The following SNX24 variants were observed in gnomAD, a reference collection of about 807,000 sequenced individuals.
SNX24 encodes sorting nexin 24.
A neutral mutation model predicts 28.7 loss-of-function variants in SNX24; 22 were observed. That is an observed-to-expected ratio of 0.77 (90% CI 0.55 to 1.10). The LOEUF is 1.10. Ranked by LOEUF, SNX24 falls within the 50% of genes least tolerant of loss-of-function variation. The probability of loss-of-function intolerance (pLI) is 0.00; values close to 1 mark genes in which losing one functional copy is unlikely to be tolerated. For synonymous variants in SNX24, 69 were observed against 71.5 expected (o/e 0.96, Z 0.18); for missense variants, 221 against 201.1 (o/e 1.10, Z -0.60).
chr5:122,888,715 C>T (rs771156790), intron 1 of SNX24, among the ~76,000 whole-genome samples: 13 of 152,148 alleles, frequency 8.5e-5, no homozygotes, highest in African/African-American at 3.1e-4. Context: ...CCATTTCAAG[C>T]AGTGGGTGAT....
intron 1 of SNX24, among the ~76,000 whole-genome samples, 198 bp downstream of exon 1, chr5:122,845,891 G>T (rs1447616184): frequency 6.6e-6 from 1 of 151,882 alleles, no homozygotes; most frequent in African/African-American, 2.4e-5. Flanking sequence ...CGGCGGCTGC[G>T]GGCGCCCCTA....
intron 1 of SNX24, among the ~76,000 whole-genome samples, chr5:122,860,484 C>G (rs1360413260): frequency 6.6e-6 from 1 of 152,204 alleles, no homozygotes; most frequent in Non-Finnish European, 1.5e-5. Flanking sequence ...AGAAGTCTTA[C>G]TCTATCTTTT....
intron 3 of SNX24, among the ~76,000 whole-genome samples, chr5:122,947,923 C>T (rs183220071): frequency 3.9e-5 from 6 of 152,180 alleles, no homozygotes; most frequent in East Asian, 1.9e-4. Context: ...GTTTGTACTT[C>T]GGATATAAAT....
intron 5 of SNX24, among the ~76,000 whole-genome samples, chr5:123,026,180 C>T (rs1016093503): frequency 3.3e-5 from 5 of 152,254 alleles, no homozygotes; most frequent in African/African-American, 1.2e-4. Flanking sequence ...CAAAGAAAGC[C>T]TTAAATATGG....
At chr5:122,977,100 C>A (rs771066479) in intron 3 of SNX24, among the ~76,000 whole-genome samples, 6 of 152,066 alleles carry the variant, frequency 3.9e-5, no homozygotes, top group Non-Finnish European at 7.4e-5. Context: ...CTTTGAGATT[C>A]TTGAAGGTGT....
rs115060572 is a variant in SNX24 at position 122,874,845 on chromosome 5, A to G, written c.60+29152A>G. ...ATGCTCTGAGTCTTGGCTTCCTTCAATGGAGATAATGGTAACTGCTTCATA... is the reference window on the plus strand; with the variant it reads ...ATGCTCTGAGTCTTGGCTTCCTTCAGTGGAGATAATGGTAACTGCTTCATA... On this transcript the variant is annotated intron_variant, in intron 1 of 6. Transcript: ENST00000261369. Among the ~76,000 whole-genome samples the G allele has an allele frequency of 9.2e-3, 1,401 of 152,302 alleles. 19 individuals are homozygous for G. Among genetic ancestry groups the G allele is most frequent in the African/African-American group, 0.031 (1,301 of 41,558 alleles).
At chr5:123,020,269 A>G (rs1762743619) in intron 5 of SNX24, among the ~76,000 whole-genome samples, 1 of 152,252 alleles carries the variant, frequency 6.6e-6, no homozygotes, top group African/African-American at 2.4e-5. Flanking sequence ...ATTATTAAAA[A>G]GAAATGTACC....
intron 3 of SNX24, among the ~76,000 whole-genome samples, chr5:122,982,471 A>G (rs1157173738): frequency 6.6e-6 from 1 of 152,264 alleles, no homozygotes; most frequent in Non-Finnish European, 1.5e-5. Flanking sequence ...TGATATAAAA[A>G]GCATTTTTTA....
chr5:122,973,249 G>A (rs1404821788), intron 3 of SNX24, among the ~76,000 whole-genome samples: 1 of 152,142 alleles, frequency 6.6e-6, no homozygotes, highest in South Asian at 2.1e-4. Context: ...CCAAACCATT[G>A]GCTATAGCCC....
rs1237105080 is a variant in SNX24, at chr5:122,889,503, A to G, written c.60+43810A>G. Among the ~76,000 whole-genome samples the G allele has an allele frequency of 4.6e-5, 7 of 151,928 alleles. No homozygotes were observed. In the East Asian group the frequency reaches 1.3e-3, roughly 29 times the overall value. On this transcript the variant is annotated intron_variant, in intron 1 of 6. Transcript: ENST00000261369. ...TTTTCAGATTAGGGATACTCAACCA[A>G]TACATATAATGCAGATATTCCAAAA...
intron 1 of SNX24, among the ~76,000 whole-genome samples, chr5:122,886,860 A>G (rs964253158): frequency 1.3e-5 from 2 of 152,044 alleles, no homozygotes; most frequent in African/African-American, 4.8e-5. Flanking sequence ...TTATTTTTAT[A>G]TTTCTCCTGA....
chr5:122,957,774 C>A (rs1240564338), intron 3 of SNX24, among the ~76,000 whole-genome samples: 1 of 151,998 alleles, frequency 6.6e-6, no homozygotes, highest in Non-Finnish European at 1.5e-5. Flanking sequence ...GTATTTTATT[C>A]TCTTTGATGC....
intron 3 of SNX24, among the ~76,000 whole-genome samples, chr5:122,985,209 G>A (rs1761549344): frequency 6.6e-6 from 1 of 152,260 alleles, no homozygotes; most frequent in East Asian, 1.9e-4. Context: ...TGAGTCTTAT[G>A]TACATAGTCA....
downstream of SNX24, among the ~76,000 whole-genome samples, chr5:123,010,685 C>T (rs1287532714): frequency 6.6e-6 from 1 of 152,144 alleles, no homozygotes; most frequent in Non-Finnish European, 1.5e-5. Flanking sequence ...TCTCCTAATA[C>T]CGAATTCCCG....
rs140038289 is a variant in SNX24 at position 123,001,134 on chromosome 5, G to A, written c.345-271G>A. On this transcript the variant is annotated intron_variant, in intron 4 of 6. Transcript: ENST00000261369. Reference sequence around the variant, plus strand: ...ATAGACATTAGCAATGGCAGTGAGCGAAATGTTTTCTCCATTATACAAGCC... The same window carrying A: ...ATAGACATTAGCAATGGCAGTGAGCAAAATGTTTTCTCCATTATACAAGCC... Among the ~76,000 whole-genome samples, 854 of 152,292 alleles carry A rather than the reference G, an allele frequency of 5.6e-3. 11 individuals are homozygous for A. Among genetic ancestry groups the A allele is most frequent in the African/African-American group, 0.019 (777 of 41,558 alleles).
At chr5:123,002,998 C>T (rs1242640903) in intron 6 of SNX24, among the ~76,000 whole-genome samples, 2 of 152,202 alleles carry the variant, frequency 1.3e-5, no homozygotes, top group African/African-American at 4.8e-5. Flanking sequence ...CTCTTGTTGC[C>T]TATGTATTCC....
chr5:122,956,756 A>G (rs1467360372), intron 3 of SNX24, among the ~76,000 whole-genome samples: 1 of 151,778 alleles, frequency 6.6e-6, no homozygotes, highest in Non-Finnish European at 1.5e-5. Flanking sequence ...ATCTCCCTGT[A>G]GTTTTGATTT....
chr5:122,872,317 C>A (rs1049119739), intron 1 of SNX24, among the ~76,000 whole-genome samples: 1 of 151,832 alleles, frequency 6.6e-6, no homozygotes, highest in Non-Finnish European at 1.5e-5. Flanking sequence ...TTATTAACAG[C>A]TATTTATTGA....
intron 1 of SNX24, among the ~76,000 whole-genome samples, chr5:122,922,083 C>T (rs1758457475): frequency 6.6e-6 from 1 of 152,096 alleles, no homozygotes; most frequent in Non-Finnish European, 1.5e-5. Flanking sequence ...TTGTTAGATT[C>T]CTAACTGCTC....
Sources: gnomAD v4.1 joint callset for allele counts (sites outside exome capture counted in the v4.1 genomes callset) on GRCh38, gnomAD v4.1.1 for gene constraint, MANE v1.5 for transcripts, NCBI Gene and HGNC (gene_info 2026-07-23, HGNC 2026-07-21) for gene names.